ARPP21: variants seen among roughly 807,000 people sequenced by gnomAD.
ARPP21 encodes the protein cAMP-regulated phosphoprotein 21.
A neutral mutation model predicts 113.2 loss-of-function variants in ARPP21; 69 were observed. That is an observed-to-expected ratio of 0.61 (90% CI 0.50 to 0.74). The LOEUF is 0.74. Ranked by LOEUF, ARPP21 falls within the 30% of genes least tolerant of loss-of-function variation. The probability of loss-of-function intolerance (pLI) is 0.00; values close to 1 mark genes in which losing one functional copy is unlikely to be tolerated. For missense variants in ARPP21, 1,070 were observed against 1,037.4 expected, an observed-to-expected ratio of 1.03 and a Z score of -0.43; for synonymous variants, 368 against 375.5, an observed-to-expected ratio of 0.98 and a Z score of 0.23.
chr3:35,771,338 T>G (rs1455444748), intron 19 of ARPP21, among the ~76,000 whole-genome samples: 1 of 152,042 alleles, frequency 6.6e-6, no homozygotes, highest in African/African-American at 2.4e-5. Flanking sequence ...TGATTGTTTT[T>G]TTTTTTTTAA....
chr3:35,789,998 C>T (rs2096715481), intron 19 of ARPP21, among the ~76,000 whole-genome samples: 1 of 152,158 alleles, frequency 6.6e-6, no homozygotes, highest in Admixed American at 6.5e-5. Flanking sequence ...CGTAAATAAT[C>T]TTCAGACGCT....
intron 11 of ARPP21, among the ~76,000 whole-genome samples, chr3:35,712,442 A>G (rs1341502009): frequency 6.6e-6 from 1 of 152,086 alleles, no homozygotes; most frequent in Non-Finnish European, 1.5e-5. Flanking sequence ...ACAATTTAGC[A>G]AAAGTCAAAT....
chr3:35,738,410 T>A, intron 17 of ARPP21, 92 bp downstream of exon 17: 2 of 1,024,936 alleles, frequency 2.0e-6, no homozygotes, highest in Non-Finnish European at 2.9e-6. Flanking sequence ...GACACTGGGG[T>A]GGGTGCCCTG....
intron 19 of ARPP21, among the ~76,000 whole-genome samples, chr3:35,764,010 A>C (rs906127878): frequency 4.6e-5 from 7 of 152,128 alleles, no homozygotes; most frequent in African/African-American, 1.7e-4. Context: ...CCAAACAAAC[A>C]AACAACCATA....
intron 5 of ARPP21, chr3:35,685,585 A>G (rs1478464726): frequency 4.1e-6 from 4 of 985,214 alleles, no homozygotes; most frequent in Non-Finnish European, 4.8e-6. Flanking sequence ...CGCTTCCCCA[A>G]TGTTTGTAAA....
intron 19 of ARPP21, among the ~76,000 whole-genome samples, chr3:35,763,991 C>A (rs184877346): frequency 5.9e-5 from 9 of 151,972 alleles, no homozygotes; most frequent in Admixed American, 3.9e-4. Context: ...TAGGGAAATC[C>A]CCATATCTCC....
intron 15 of ARPP21, among the ~76,000 whole-genome samples, chr3:35,732,058 A>G (rs888373854): frequency 4.6e-5 from 7 of 152,164 alleles, no homozygotes; most frequent in African/African-American, 1.7e-4. Flanking sequence ...ACTACCCATT[A>G]TATATGTGGG....
chr3:35,651,089 G>A (rs1303736246), intron 1 of ARPP21, among the ~76,000 whole-genome samples: 2 of 152,044 alleles, frequency 1.3e-5, no homozygotes, highest in Non-Finnish European at 2.9e-5. Context: ...TAAAAATAGT[G>A]CCTGTGATCA....
intron 19 of ARPP21, among the ~76,000 whole-genome samples, chr3:35,783,623 C>G (rs1336233856): frequency 2.6e-5 from 4 of 152,036 alleles, no homozygotes; most frequent in African/African-American, 9.7e-5. Context: ...GTTATACAAC[C>G]CCACATTGTC....
At chr3:35,642,657 G>T (rs190711877) in intron 1 of ARPP21, among the ~76,000 whole-genome samples, 1 of 152,232 alleles carries the variant, frequency 6.6e-6, no homozygotes, top group African/African-American at 2.4e-5. Flanking sequence ...GTGGTGAGAA[G>T]TACAGAAATA....
At chr3:35,654,290 G>T (rs1703792368) in intron 1 of ARPP21, among the ~76,000 whole-genome samples, 1 of 152,012 alleles carries the variant, frequency 6.6e-6, no homozygotes, top group African/African-American at 2.4e-5. Flanking sequence ...TTAAGTGCAT[G>T]TTTTAAGTTA....
chr3:35,780,330 T>A (rs1433457543), intron 19 of ARPP21, among the ~76,000 whole-genome samples: 2 of 152,128 alleles, frequency 1.3e-5, no homozygotes, highest in Non-Finnish European at 1.5e-5. Flanking sequence ...GCTAAATAAG[T>A]AATAAAATGC....
chr3:35,683,324 A>G (rs1048641032), intron 4 of ARPP21, among the ~76,000 whole-genome samples: 1 of 151,686 alleles, frequency 6.6e-6, no homozygotes, highest in African/African-American at 2.4e-5. Context: ...AACAGATACT[A>G]CTGTTTAGTA....
At chr3:35,673,140 G>T (rs1011647381) in intron 1 of ARPP21, among the ~76,000 whole-genome samples, 2 of 152,016 alleles carry the variant, frequency 1.3e-5, no homozygotes, top group African/African-American at 4.8e-5. Flanking sequence ...GCTCAGAGCT[G>T]CCCTATATAA....
intron 1 of ARPP21, among the ~76,000 whole-genome samples, chr3:35,643,077 C>T (rs1322400210): frequency 6.6e-6 from 1 of 152,026 alleles, no homozygotes; most frequent in Non-Finnish European, 1.5e-5. Context: ...ATGCAGAACA[C>T]CTGTCTTGAG....
chr3:35,698,641 C>T (rs2085013729), intron 9 of ARPP21, among the ~76,000 whole-genome samples: 1 of 151,542 alleles, frequency 6.6e-6, no homozygotes, highest in African/African-American at 2.4e-5. Flanking sequence ...GTCACTCAGC[C>T]ATGACTCTTC....
At chr3:35,642,940 A>T (rs918818507) in intron 1 of ARPP21, among the ~76,000 whole-genome samples, 1 of 152,154 alleles carries the variant, frequency 6.6e-6, no homozygotes, top group Non-Finnish European at 1.5e-5. Flanking sequence ...TGAAGTCTAA[A>T]TATTTTAAAA....
intron 1 of ARPP21, among the ~76,000 whole-genome samples, chr3:35,659,973 A>G (rs1229901932): frequency 6.6e-6 from 1 of 152,148 alleles, no homozygotes; most frequent in African/African-American, 2.4e-5. Context: ...TTTTATGACA[A>G]GAGTCACAGG....
intron 11 of ARPP21, among the ~76,000 whole-genome samples, chr3:35,714,801 A>G (rs970959874): frequency 3.3e-5 from 5 of 152,214 alleles, no homozygotes; most frequent in East Asian, 3.9e-4. Flanking sequence ...TTGATTTTCT[A>G]TGTGAAAAAC....
Sources: gnomAD v4.1 joint callset for allele counts (sites outside exome capture counted in the v4.1 genomes callset) on GRCh38, gnomAD v4.1.1 for gene constraint, MANE v1.5 for transcripts, NCBI Gene and HGNC (gene_info 2026-07-23, HGNC 2026-07-21) for gene names.